Variants in PCDHA2 observed in about 807,000 individuals in gnomAD.
The protein encoded by PCDHA2 is protocadherin alpha-2.
In PCDHA2, 58 loss-of-function variants were observed where a neutral mutation model predicts 66.0. That is an observed-to-expected ratio of 0.88 (90% CI 0.71 to 1.09). PCDHA2 has a LOEUF of 1.09. PCDHA2 is among the 50% of genes least tolerant of loss of function. The pLI is 0.00. For missense variants in PCDHA2, 1,267 were observed against 1,242.3 expected (o/e 1.02, Z -0.30); for synonymous variants, 634 against 554.0 (o/e 1.14, Z -2.03).
intron 1 of PCDHA2, among the ~76,000 whole-genome samples, chr5:140,890,901 T>C (rs1583031993): frequency 6.6e-6 from 1 of 152,194 alleles, no homozygotes; most frequent in Admixed American, 6.5e-5. Flanking sequence ...TGTCTTTCCA[T>C]GTTAGAATAA....
At chr5:140,884,698 A>G (rs782573200) in intron 1 of PCDHA2, 13 of 1,502,610 alleles carry the variant, frequency 8.7e-6, no homozygotes, top group African/African-American at 1.4e-5. Context: ...CTTAGTAAAC[A>G]CTTTAGCCTT....
Position 141,010,227 on chromosome 5 carries a change from C to T in PCDHA2, c.*290C>T. 6.4e-7 allele frequency: 1 copy of T among 1,551,876 alleles called. No homozygotes were observed. The highest frequency in any genetic ancestry group is 8.7e-7 in the Non-Finnish European group (1 of 1,147,036). On this transcript the variant is annotated 3_prime_UTR_variant, in exon 4 of 4. Coordinates refer to ENST00000526136, the MANE Select transcript of PCDHA2 (RefSeq NM_018905.3). ...GCCGCAAAGGAGAGGCTTCCCAGCC[C>T]CGCCAGTGAGAGGTTGGACTCTCTG...
chr5:140,989,727 A>C (rs1203211477), intron 3 of PCDHA2, among the ~76,000 whole-genome samples: 7 of 152,190 alleles, frequency 4.6e-5, no homozygotes, highest in African/African-American at 1.7e-4. Context: ...TTTGCAGTTG[A>C]AAAGGCCATT....
At chr5:140,957,070 C>T (rs1260856872) in intron 1 of PCDHA2, among the ~76,000 whole-genome samples, 2 of 151,958 alleles carry the variant, frequency 1.3e-5, no homozygotes, top group Non-Finnish European at 2.9e-5. Context: ...TGACTGAGGG[C>T]TTTTTATTAA....
At chr5:140,949,405 AC>A (rs1554218939) in intron 1 of PCDHA2, among the ~76,000 whole-genome samples, 1 of 151,820 alleles carries the variant, frequency 6.6e-6, no homozygotes, top group African/African-American at 2.4e-5. Flanking sequence ...GTTAAAAATC[AC>A]CTATCATCAT....
At chr5:140,858,241 G>T in intron 1 of PCDHA2, 1 of 1,596,686 alleles carries the variant, frequency 6.3e-7, no homozygotes, top group Non-Finnish European at 8.6e-7. Context: ...GCGCATGTGG[G>T]CCGGTGAAGC....
chr5:140,896,092 TG>T (rs2065379013), intron 1 of PCDHA2, among the ~76,000 whole-genome samples: 1 of 152,194 alleles, frequency 6.6e-6, no homozygotes, highest in Non-Finnish European at 1.5e-5. Context: ...ATTACAGGCG[TG>T]AGCCACTGTG....
Position 141,011,490 on chromosome 5 carries a change from A to T in PCDHA2, c.*1553A>T, listed in dbSNP as rs2098420792. On this transcript the variant is annotated 3_prime_UTR_variant, in exon 4 of 4. Transcript: ENST00000526136. ...GTAATTCCATTATATTTCCTTTTGT[A>T]CACCTGTGAAAAAGTGGAGTAGTGT... The T allele has an allele frequency of 1.3e-5, 2 of 153,734 alleles. No homozygotes were observed. The highest frequency in any genetic ancestry group is 2.9e-5 in the Non-Finnish European group (2 of 68,036). 9.5% of individuals were successfully genotyped at this position (153,734 alleles called of 1,614,324 possible). A position where few individuals can be genotyped will look rare whatever the true frequency, so the allele number is the denominator to read the frequency against.
At chr5:140,926,178 G>GC (rs1221259064) in intron 1 of PCDHA2, among the ~76,000 whole-genome samples, 2 of 151,700 alleles carry the variant, frequency 1.3e-5, no homozygotes, top group Non-Finnish European at 2.9e-5. Flanking sequence ...AGCGCGGAAA[G>GC]CCCCCCGCAG....
intron 3 of PCDHA2, among the ~76,000 whole-genome samples, chr5:140,990,384 T>A (rs2097391380): frequency 6.6e-6 from 1 of 152,186 alleles, no homozygotes; most frequent in Non-Finnish European, 1.5e-5. Context: ...TTGTTGGTGA[T>A]GTTCCAAGAA....
intron 1 of PCDHA2, chr5:140,842,631 C>A: frequency 1.9e-6 from 3 of 1,595,224 alleles, no homozygotes; most frequent in Non-Finnish European, 2.6e-6. Context: ...TCGCTGTGGG[C>A]CACCGCCAGC....
intron 1 of PCDHA2, among the ~76,000 whole-genome samples, chr5:140,818,312 T>C (rs1195133759): frequency 6.6e-6 from 1 of 152,224 alleles, no homozygotes; most frequent in African/African-American, 2.4e-5. Flanking sequence ...TCTTTTACTT[T>C]AGGAATTTTA....
chr5:140,869,604 AT>A, intron 1 of PCDHA2: 1 of 1,614,062 alleles, frequency 6.2e-7, no homozygotes, highest in Admixed American at 1.7e-5. Context: ...AGAATGCTCT[AT>A]TGACCTACAG....
chr5:140,943,257 C>CAAAAA (rs1238620023), intron 1 of PCDHA2, among the ~76,000 whole-genome samples: 3 of 77,348 alleles, frequency 3.9e-5, no homozygotes, highest in Non-Finnish European at 5.0e-5. Context: ...GACTCTGTCT[C>CAAAAA]AAAAAAAAAA....
Position 140,842,658 on chromosome 5 carries a change from C to T in PCDHA2, c.2388+45306C>T. ...ACCGCCAGCTTGTCTGTGGAGGTGG[C>T]CGACGTGAACGACAATGCTCCGGCG... is the stretch of plus-strand genomic sequence containing the variant. On this transcript the variant is annotated intron_variant, in intron 1 of 3. Coordinates refer to ENST00000526136, the MANE Select transcript of PCDHA2 (RefSeq NM_018905.3). 1.9e-6 allele frequency: 3 copies of T among 1,595,322 alleles called. 1 individual carries two copies. The highest frequency in any genetic ancestry group is 8.6e-7 in the Non-Finnish European group (1 of 1,165,500).
chr5:140,835,424 T>C (rs2150235453), intron 1 of PCDHA2: 4 of 1,613,962 alleles, frequency 2.5e-6, no homozygotes, highest in South Asian at 2.2e-5. Flanking sequence ...ATGACAATGC[T>C]CCACAGTTGA....
rs782328804 is a variant in PCDHA2, at chr5:140,882,548, G to A, written c.2388+85196G>A. The A allele has an allele frequency of 5.3e-5, 86 of 1,614,126 alleles. No homozygotes were observed. The highest frequency in any genetic ancestry group is 4.9e-4 in the East Asian group (22 of 44,902). ...TGTGAATTCTCGGATCGACCGCGAG[G>A]AGCTGTGTGGGCGGAGCGCGGAGTG... On this transcript the variant is annotated intron_variant, in intron 1 of 3. Transcript: ENST00000526136.
intron 1 of PCDHA2, chr5:140,854,216 A>T (rs1332746944): frequency 4.7e-6 from 3 of 633,232 alleles, no homozygotes; most frequent in Non-Finnish European, 5.9e-6. Flanking sequence ...TCAATATTGG[A>T]CATCTACATT....
At chr5:140,876,697 C>T in intron 1 of PCDHA2, 2 of 1,614,226 alleles carry the variant, frequency 1.2e-6, no homozygotes, top group Middle Eastern at 1.6e-4. Context: ...CTCGTTGGTG[C>T]TGGACAGCGC....
Sources: gnomAD v4.1 joint callset for allele counts (sites outside exome capture counted in the v4.1 genomes callset) on GRCh38, gnomAD v4.1.1 for gene constraint, MANE v1.5 for transcripts, NCBI Gene and HGNC (gene_info 2026-07-23, HGNC 2026-07-21) for gene names.